Variants in LAMTOR1 observed in about 807,000 individuals in gnomAD.
The protein encoded by LAMTOR1 is ragulator complex protein LAMTOR1.
LAMTOR1 carries 8 observed loss-of-function variants against 20.5 expected under a neutral mutation model. The observed-to-expected ratio is 0.39, with a 90% CI of 0.23 to 0.70. The LOEUF (loss-of-function observed/expected upper bound fraction) is 0.70. LAMTOR1 is among the 30% of genes least tolerant of loss of function. LAMTOR1 has a pLI of 0.43. For synonymous variants in LAMTOR1, 77 were observed against 80.9 expected (o/e 0.95, Z 0.26); for missense variants, 135 against 206.2 (o/e 0.65, Z 2.11).
intron 1 of LAMTOR1, among the ~76,000 whole-genome samples, chr11:72,102,452 C>T (rs1472288572): frequency 6.6e-6 from 1 of 152,186 alleles, no homozygotes; most frequent in Non-Finnish European, 1.5e-5. Flanking sequence ...ATCAGATCTA[C>T]AGCCAAATTC....
At position 72,097,890 on chromosome 11, in the gene LAMTOR1, A is replaced by G; in HGVS notation, c.418T>C (p.Tyr140His). 6.2e-7 allele frequency: 1 copy of G among 1,606,668 alleles called. No individual in the cohort carries two copies. The highest frequency in any genetic ancestry group is 8.5e-7 in the Non-Finnish European group (1 of 1,174,494). Residue 140 changes from tyrosine to histidine, a missense_variant, in exon 5 of 5, where the codon TAC becomes CAC. Physicochemically the swap from Tyr to His is moderately conservative, Grantham distance 83 (BLOSUM62 2). Coordinates refer to ENST00000278671, the MANE Select transcript of LAMTOR1 (RefSeq NM_017907.3). ...ACACGGATCTGAGAAAGTGCACTGT[A>G]GGCATAAGCAGCTATCCTGGAGACC... Reference protein sequence around the residue: ...QQVSRIAAYAYSALSQIRVDA... With the variant: ...QQVSRIAAYAHSALSQIRVDA...
chr11:72,097,656 C>T lies in LAMTOR1; in HGVS notation c.*166G>A, dbSNP rs763837720. On this transcript the variant is annotated 3_prime_UTR_variant, in exon 5 of 5. Coordinates refer to ENST00000278671, the MANE Select transcript of LAMTOR1 (RefSeq NM_017907.3). ...GGCCAGTCCCAAAAGGTTCTACCCT[C>T]ACTTGCTCAGGCTTCTAGCCTTCCT... is the stretch of plus-strand genomic sequence containing the variant. The T allele has an allele frequency of 7.4e-6, 11 of 1,478,326 alleles. No individual in the cohort carries two copies. The highest frequency in any genetic ancestry group is 9.9e-6 in the Non-Finnish European group (11 of 1,115,834). 91.6% of individuals were successfully genotyped at this position (1,478,326 alleles called of 1,614,324 possible).
At chr11:72,103,145 T>C in intron 1 of LAMTOR1, 38 bp downstream of exon 1, 1 of 1,571,796 alleles carries the variant, frequency 6.4e-7, no homozygotes. Flanking sequence ...CCCAGTGTCT[T>C]AGCCCTCATT....
intron 1 of LAMTOR1, 87 bp downstream of exon 1, chr11:72,103,096 G>A (rs1945509242): frequency 2.7e-6 from 4 of 1,495,430 alleles, no homozygotes; most frequent in South Asian, 2.4e-5. Context: ...CTGCAGTCCG[G>A]CTGCCCGTCC....
At chr11:72,101,046 C>A (rs1945417843) in intron 1 of LAMTOR1, among the ~76,000 whole-genome samples, 1 of 152,244 alleles carries the variant, frequency 6.6e-6, no homozygotes, top group African/African-American at 2.4e-5. Context: ...ATGTGTCTGT[C>A]CTCCCAGCTC....
At chr11:72,103,045 T>C in intron 1 of LAMTOR1, 138 bp downstream of exon 1, 1 of 1,177,312 alleles carries the variant, frequency 8.5e-7, no homozygotes, top group East Asian at 2.6e-5. Context: ...TGGCGTCTCC[T>C]CTGTAATCTG....
At chr11:72,101,906 A>C (rs1945456031) in intron 1 of LAMTOR1, among the ~76,000 whole-genome samples, 1 of 152,198 alleles carries the variant, frequency 6.6e-6, no homozygotes, top group Non-Finnish European at 1.5e-5. Context: ...TTATGCTTTA[A>C]GGGACAATTT....
intron 4 of LAMTOR1, 38 bp from the exon 5 acceptor site, chr11:72,097,952 A>G: frequency 1.9e-6 from 3 of 1,550,816 alleles, no homozygotes; most frequent in Non-Finnish European, 2.6e-6. Context: ...AGGAACAGAG[A>G]CAGGTGAGGA....
At position 72,103,166 on chromosome 11, in the gene LAMTOR1, G is replaced by A; in HGVS notation, c.42+17C>T. On this transcript the variant is annotated intron_variant, in intron 1 of 4. Transcript: ENST00000278671. ...GTCTTAGCCCTCATTCCCGAGCCCC[G>A]CCTGCCGCGGCCGCACCTGGTCCGA... 1.9e-6 allele frequency: 3 copies of A among 1,582,744 alleles called. No homozygotes were observed. Among genetic ancestry groups the A allele is most frequent in the Middle Eastern group, 1.7e-4 (1 of 6,012 alleles).
chr11:72,099,367 G>T, intron 1 of LAMTOR1, 111 bp from the exon 2 acceptor site: 2 of 1,234,668 alleles, frequency 1.6e-6, no homozygotes, highest in East Asian at 2.6e-5. Context: ...GTTTCTATAA[G>T]GAATATCTAA....
rs139488666 is a variant in LAMTOR1, at chr11:72,098,356, G to A, written c.326C>T (p.Pro109Leu). The change falls in exon 4 of 5, where the codon CCG becomes CTG. Residue 109 changes from proline to leucine, a missense_variant. Pro to Leu is a moderately conservative substitution (Grantham distance 98). Coordinates refer to ENST00000278671, the MANE Select transcript of LAMTOR1 (RefSeq NM_017907.3). ...LTHWKKLPPL[P>L]SLTSQPHQVL... ...TTGGTGGGGCTGGCTGGTAAGAGAC[G>A]GCAGCGGTGGCAGCTTCTTCCAATG... 2.5e-5 allele frequency: 40 copies of A among 1,612,516 alleles called. No individual in the cohort carries two copies. The highest frequency in any genetic ancestry group is 1.2e-4 in the Admixed American group (7 of 59,770).
In LAMTOR1 at chr11:72,099,253, G is replaced by T; in HGVS notation, c.46C>A (p.Arg16=). Residue 16 remains arginine (R), a synonymous_variant, in exon 2 of 5, where the codon CGA becomes AGA. Transcript: ENST00000278671. ...TCCAGCAGCAGCTTCCGCTCCTCTC[G>T]GTCCTAGAAGTGGTCATGGGAGAGA... is the stretch of plus-strand genomic sequence containing the variant. ...SSENEDSDQD[R]EERKLLLDPS... The T allele has an allele frequency of 6.4e-7, 1 of 1,557,472 alleles. No homozygotes were observed. The highest frequency in any genetic ancestry group is 1.4e-5 in the African/African-American group (1 of 73,412).
chr11:72,097,912 G>T lies in LAMTOR1; in HGVS notation c.396C>A (p.Val132=). The T allele has an allele frequency of 6.3e-7, 1 of 1,592,074 alleles. No homozygotes were observed. Among genetic ancestry groups the T allele is most frequent in the Non-Finnish European group, 8.6e-7 (1 of 1,164,720 alleles). Residue 132 remains valine, a splice_region_variant and synonymous_variant, in exon 5 of 5, where the codon GTC becomes GTA. Transcript: ENST00000278671. ...EPIPFSDLQQ[V]SRIAAYAYSA... ...TGTAGGCATAAGCAGCTATCCTGGAGACCTGAGACAGAGAGGGGCCGGGGA... is the reference window on the plus strand; with the variant it reads ...TGTAGGCATAAGCAGCTATCCTGGATACCTGAGACAGAGAGGGGCCGGGGA...
chr11:72,103,229 G>C lies in LAMTOR1; in HGVS notation c.-5C>G, dbSNP rs781696350. On this transcript the variant is annotated 5_prime_UTR_variant, in exon 1 of 5. Transcript: ENST00000278671. ...GCTGCTGTAGCAGCACCCCATGGCC[G>C]GGGTCGGGCCGGGCGCTCAGGCCGC... is the stretch of plus-strand genomic sequence containing the variant. The C allele has an allele frequency of 1.3e-6, 2 of 1,560,960 alleles. No homozygotes were observed. The highest frequency in any genetic ancestry group is 8.7e-7 in the Non-Finnish European group (1 of 1,152,320).
chr11:72,098,418 G>A lies in LAMTOR1; in HGVS notation c.267-3C>T. The A allele has an allele frequency of 6.2e-7, 1 of 1,610,408 alleles. No individual in the cohort carries two copies. Among genetic ancestry groups the A allele is most frequent in the Non-Finnish European group, 8.5e-7 (1 of 1,178,346 alleles). ...TGCTCAGCACAGCCAAGCGGGTGCTGACCAAGAGAGAGGGGGTGGGGGTAG... is the reference window on the plus strand; with the variant it reads ...TGCTCAGCACAGCCAAGCGGGTGCTAACCAAGAGAGAGGGGGTGGGGGTAG... On this transcript the variant is annotated splice_polypyrimidine_tract_variant and splice_region_variant and intron_variant, in intron 3 of 4. Transcript: ENST00000278671.
At chr11:72,098,249 T>C (rs773518414) in intron 4 of LAMTOR1, 40 bp downstream of exon 4, 3 of 1,609,208 alleles carry the variant, frequency 1.9e-6, no homozygotes, top group Non-Finnish European at 2.5e-6. Flanking sequence ...CCCTGGGCAG[T>C]GTGAGAAGGG....
intron 3 of LAMTOR1, 175 bp from the exon 4 acceptor site, chr11:72,098,590 G>A (rs770222737): frequency 2.6e-5 from 23 of 871,586 alleles, no homozygotes; most frequent in Non-Finnish European, 3.5e-5. Flanking sequence ...TGGCCTCAGC[G>A]CCCTCAAGAG....
chr11:72,097,804 G>A lies in LAMTOR1; in HGVS notation c.*18C>T, dbSNP rs778387687. 5 of 1,614,024 alleles carry A rather than the reference G, an allele frequency of 3.1e-6. No homozygotes were observed. Among genetic ancestry groups the A allele is most frequent in the South Asian group, 1.1e-5 (1 of 91,082 alleles). On this transcript the variant is annotated 3_prime_UTR_variant, in exon 5 of 5. Coordinates refer to ENST00000278671, the MANE Select transcript of LAMTOR1 (RefSeq NM_017907.3). ...ATGGGATGAAGAGAGGAGAAGAGCT[G>A]TCCAAGGACCCCTCTCTTCATGGGA...
chr11:72,103,096 G>C, intron 1 of LAMTOR1, 87 bp downstream of exon 1: 2 of 1,495,430 alleles, frequency 1.3e-6, no homozygotes. Context: ...CTGCAGTCCG[G>C]CTGCCCGTCC....
Sources: allele counts gnomAD v4.1 joint callset (sites outside exome capture counted in the v4.1 genomes callset), GRCh38; gene constraint gnomAD v4.1.1; transcripts MANE v1.5; gene names NCBI Gene and HGNC (gene_info 2026-07-23, HGNC 2026-07-21).